SEPTIN9: variants seen among roughly 807,000 people sequenced by gnomAD.
SEPTIN9 encodes the protein septin 9, also known as septin-9.
A neutral mutation model predicts 56.6 loss-of-function variants in SEPTIN9; 13 were observed. The ratio of observed to expected loss-of-function variants is 0.23; its 90% CI spans 0.15 to 0.37. The LOEUF is 0.37. SEPTIN9 is among the 10% of genes least tolerant of loss of function. The pLI, the probability that SEPTIN9 is intolerant of heterozygous loss-of-function variation, is 1.00. For missense variants in SEPTIN9, 650 were observed against 823.1 expected (o/e 0.79, Z 2.57); for synonymous variants, 332 against 334.1 (o/e 0.99, Z 0.07).
intron 2 of SEPTIN9, among the ~76,000 whole-genome samples, chr17:77,351,475 G>A (rs774975598): frequency 6.6e-5 from 10 of 152,160 alleles, no homozygotes; most frequent in Admixed American, 1.3e-4. Context: ...CTCCTGTCCC[G>A]GGCTCTGGAG....
intron 3 of SEPTIN9, among the ~76,000 whole-genome samples, chr17:77,441,943 G>C (rs1285530646): frequency 6.6e-6 from 1 of 152,158 alleles, no homozygotes; most frequent in Non-Finnish European, 1.5e-5. Flanking sequence ...TTTTTGTAGC[G>C]GGGAAGAAAT....
intron 1 of SEPTIN9, 27 bp downstream of exon 1, chr17:77,281,581 G>C: frequency 6.5e-7 from 1 of 1,534,708 alleles, no homozygotes; most frequent in Non-Finnish European, 8.8e-7. Flanking sequence ...GGGTGGGGAG[G>C]GGTCGGTGTC....
intron 3 of SEPTIN9, among the ~76,000 whole-genome samples, chr17:77,455,744 C>T (rs1421056842): frequency 6.6e-6 from 1 of 152,220 alleles, no homozygotes; most frequent in African/African-American, 2.4e-5. Context: ...AGTTCCCAGA[C>T]GTCATAGGTG....
chr17:77,471,143 C>G (rs1473600906), intron 3 of SEPTIN9: 2 of 152,424 alleles, frequency 1.3e-5, no homozygotes, highest in Non-Finnish European at 2.9e-5. Context: ...GGCCCCTTCA[C>G]CCCTTTCCCC....
chr17:77,457,728 C>T (rs893881190), intron 3 of SEPTIN9, among the ~76,000 whole-genome samples: 2 of 152,190 alleles, frequency 1.3e-5, no homozygotes, highest in African/African-American at 4.8e-5. Context: ...GAGGTCTGGC[C>T]GATTTGGCAG....
chr17:77,324,801 A>C (rs2033069148), intron 2 of SEPTIN9, among the ~76,000 whole-genome samples: 1 of 147,694 alleles, frequency 6.8e-6, no homozygotes, highest in African/African-American at 2.5e-5. Flanking sequence ...CCACGTTGTT[A>C]GTGCCCTTTG....
chr17:77,389,358 T>C lies in SEPTIN9; in HGVS notation c.77-12701T>C, dbSNP rs1349824027. 2.6e-5 allele frequency among the ~76,000 whole-genome samples: 4 copies of C among 152,080 alleles called. No individual in the cohort carries two copies. The highest frequency in any genetic ancestry group is 2.6e-4 in the Admixed American group (4 of 15,282). ...ACCAGGAGCCAGCATCACGTTTCTC[T>C]GTCTCCAGAATCGAGGACGGAGAGC... On this transcript the variant is annotated intron_variant, in intron 2 of 11. Coordinates refer to ENST00000427177, the MANE Select transcript of SEPTIN9 (RefSeq NM_001113491.2). This position sits in a 1 kb window ranked among gnomAD's most constrained non-coding sequence, Gnocchi z 4.3.
chr17:77,304,546 G>A (rs1419370778), intron 1 of SEPTIN9, among the ~76,000 whole-genome samples: 1 of 152,130 alleles, frequency 6.6e-6, no homozygotes, highest in Non-Finnish European at 1.5e-5. Flanking sequence ...AGAAGGCAGG[G>A]GTGGTGTCCA....
At chr17:77,320,770 T>G (rs2032888204) in intron 2 of SEPTIN9, among the ~76,000 whole-genome samples, 1 of 152,210 alleles carries the variant, frequency 6.6e-6, no homozygotes, top group African/African-American at 2.4e-5. Context: ...CCAAAGTCTG[T>G]CTTCAAGGCT....
At chr17:77,357,266 C>T (rs957073853) in intron 2 of SEPTIN9, among the ~76,000 whole-genome samples, 2 of 152,180 alleles carry the variant, frequency 1.3e-5, no homozygotes, top group Non-Finnish European at 2.9e-5. Context: ...GACACATCCA[C>T]AGGGGCAGGG....
chr17:77,336,874 G>A (rs1598211990), intron 2 of SEPTIN9, among the ~76,000 whole-genome samples: 1 of 151,872 alleles, frequency 6.6e-6, no homozygotes, highest in Non-Finnish European at 1.5e-5. Context: ...TTAATTTGCT[G>A]AAATTTTTTA....
chr17:77,335,588 A>G (rs2033520035), intron 2 of SEPTIN9, among the ~76,000 whole-genome samples: 1 of 150,392 alleles, frequency 6.6e-6, no homozygotes, highest in South Asian at 2.1e-4. Context: ...ATATTAGTAT[A>G]TGTACATATA....
intron 10 of SEPTIN9, 21 bp from the exon 11 acceptor site, chr17:77,497,294 C>G: frequency 6.2e-7 from 1 of 1,611,860 alleles, no homozygotes; most frequent in Non-Finnish European, 8.5e-7. Context: ...ACATTAAAGC[C>G]CCTCCTGTCT....
chr17:77,288,131 C>T (rs1395497517), intron 1 of SEPTIN9: 12 of 1,062,898 alleles, frequency 1.1e-5, no homozygotes, highest in African/African-American at 3.3e-5. Context: ...TACCCCACCC[C>T]GGCCTGGGGT....
rs1370738529 is a variant in SEPTIN9, at chr17:77,445,187, G to A, written c.722-36957G>A. 12 of 471,102 alleles carry A rather than the reference G, an allele frequency of 2.5e-5. No individual in the cohort carries two copies. The Admixed American group carries it at 2.8e-4, about 11-fold the overall frequency. 29.2% of individuals were successfully genotyped at this position (471,102 alleles called of 1,614,324 possible). ...TGGGTGCTCCCAGCCCCTTCTCAAGGTTGGTCTGTGGGTAGAAATGTGGGC... is the reference window on the plus strand; with the variant it reads ...TGGGTGCTCCCAGCCCCTTCTCAAGATTGGTCTGTGGGTAGAAATGTGGGC... On this transcript the variant is annotated intron_variant, in intron 3 of 11. Coordinates refer to ENST00000427177, the MANE Select transcript of SEPTIN9 (RefSeq NM_001113491.2). This position sits in a 1 kb window ranked among gnomAD's most constrained non-coding sequence, Gnocchi z 4.7.
rs137987737 is a variant in SEPTIN9, at chr17:77,327,320, G to A, written c.76+20123G>A. 6.1e-3 allele frequency among the ~76,000 whole-genome samples: 930 copies of A among 152,258 alleles called. 10 individuals carry two copies. The highest frequency in any genetic ancestry group is 0.021 in the African/African-American group (881 of 41,542). ...ACTCCAGCTTCCTGGCCCGTCTCTT[G>A]CTCTGGGCACCCCCCCACTCCGAAC... On this transcript the variant is annotated intron_variant, in intron 2 of 11. Transcript: ENST00000427177. The surrounding 1 kb of genome is among the most constrained non-coding windows in gnomAD (Gnocchi z 5.0).
At chr17:77,392,027 A>G (rs768420850) in intron 2 of SEPTIN9, among the ~76,000 whole-genome samples, 4 of 152,198 alleles carry the variant, frequency 2.6e-5, no homozygotes, top group Non-Finnish European at 4.4e-5. Flanking sequence ...CCCCATAGGC[A>G]GGGTGGAGGG....
At chr17:77,358,786 G>C (rs890629302) in intron 2 of SEPTIN9, among the ~76,000 whole-genome samples, 4 of 152,186 alleles carry the variant, frequency 2.6e-5, no homozygotes, top group African/African-American at 9.7e-5. Context: ...AGCGTATAAA[G>C]ATGAGACCCC....
rs1046699016 is a variant in SEPTIN9, at chr17:77,497,222, T to C, written c.1574-93T>C. 5 of 1,320,270 alleles carry C rather than the reference T, an allele frequency of 3.8e-6. No homozygotes were observed. The African/African-American group carries it at 7.3e-5, about 19-fold the overall frequency. 81.8% of individuals were successfully genotyped at this position (1,320,270 alleles called of 1,614,324 possible). On this transcript the variant is annotated intron_variant, in intron 10 of 11. Coordinates refer to ENST00000427177, the MANE Select transcript of SEPTIN9 (RefSeq NM_001113491.2). Reference sequence around the variant, plus strand: ...TGGGGCTGCCCTCAGACTCTGCTTTTGGCACCAGCATTTCTGGGCAGGGGG... The same window carrying C: ...TGGGGCTGCCCTCAGACTCTGCTTTCGGCACCAGCATTTCTGGGCAGGGGG...
Sources: gnomAD v4.1 joint callset for allele counts (sites outside exome capture counted in the v4.1 genomes callset) on GRCh38, gnomAD v4.1.1 for gene constraint, Gnocchi (gnomAD v3.1) non-coding constraint, MANE v1.5 for transcripts, NCBI Gene and HGNC (gene_info 2026-07-23, HGNC 2026-07-21) for gene names.